Variants in FOXP2 observed in about 807,000 individuals in gnomAD.
FOXP2 encodes the protein forkhead box P2, also known as forkhead box protein P2.
Under a neutral mutation model 115.8 loss-of-function variants are expected in FOXP2, and 12 were observed. The ratio of observed to expected loss-of-function variants is 0.10; its 90% CI spans 0.07 to 0.17. FOXP2 has a LOEUF of 0.17. Among genes scored for constraint, FOXP2 ranks in the 10% least tolerant of loss-of-function variants. The pLI is 1.00. For synonymous variants in FOXP2, 328 were observed against 297.7 expected (o/e 1.10, Z -1.05); for missense variants, 629 against 843.5 (o/e 0.75, Z 3.15).
intron 2 of FOXP2, among the ~76,000 whole-genome samples, chr7:114,365,048 A>G (rs1214213540): frequency 6.6e-6 from 1 of 152,214 alleles, no homozygotes; most frequent in African/African-American, 2.4e-5. Flanking sequence ...TCATCTAATC[A>G]TGCTGTATCA....
chr7:114,176,298 T>TTCTCTCTCTC lies in FOXP2; in HGVS notation c.-102+13224_-102+13233dup, dbSNP rs1554426487. On this transcript the variant is annotated intron_variant, in intron 1 of 17. Transcript: ENST00000634411. ...TTTCTTTCTTTCTTTCTTTCTTTCTTTCTCTCTCTCTCTCTCTCTCTCTTT... is the reference window on the plus strand; with the variant it reads ...TTTCTTTCTTTCTTTCTTTCTTTCTTTCTCTCTCTCTCTCTCTCTCTCTCTCTCTCTCTTT... Among the ~76,000 whole-genome samples, 64 of 76,548 alleles carry TTCTCTCTCTC rather than the reference T, an allele frequency of 8.4e-4. 1 individual carries two copies. The highest frequency in any genetic ancestry group is 2.5e-3 in the African/African-American group (47 of 18,490). 50.2% of individuals were successfully genotyped at this position (76,548 alleles called of 152,430 possible). A position where few individuals can be genotyped will look rare whatever the true frequency, so the allele number is the denominator to read the frequency against.
chr7:114,478,088 A>G (rs564572565), intron 2 of FOXP2, among the ~76,000 whole-genome samples: 28 of 152,032 alleles, frequency 1.8e-4, no homozygotes, highest in African/African-American at 6.0e-4. Context: ...AAGAAAATGT[A>G]GTAGAGTGTT....
In FOXP2 at chr7:114,518,210, A is replaced by G. The variant is rs527959632; in HGVS notation, c.169-16407A>G. Among the ~76,000 whole-genome samples the G allele has an allele frequency of 2.6e-4, 39 of 152,322 alleles. 1 individual carries two copies. The highest frequency in any genetic ancestry group is 9.1e-4 in the African/African-American group (38 of 41,584). On this transcript the variant is annotated intron_variant, in intron 2 of 16. Coordinates refer to ENST00000350908, the MANE Select transcript of FOXP2 (RefSeq NM_014491.4). ...TACCAATGTATATATAAAATACAAAACAAATTAAAGTAATATATTTCAAAA... is the reference window on the plus strand; with the variant it reads ...TACCAATGTATATATAAAATACAAAGCAAATTAAAGTAATATATTTCAAAA...
At chr7:114,526,991 A>ATTTTTTTTTTTTTT (rs200748852) in intron 2 of FOXP2, among the ~76,000 whole-genome samples, 10 of 128,846 alleles carry the variant, frequency 7.8e-5, no homozygotes, top group Non-Finnish European at 1.3e-4. Context: ...CCACTAATCT[A>ATTTTTTTTTTTTTT]TTTTTTTTTT....
intron 2 of FOXP2, among the ~76,000 whole-genome samples, chr7:114,368,699 GC>G (rs1791937714): frequency 6.6e-6 from 1 of 152,274 alleles, no homozygotes; most frequent in South Asian, 2.1e-4. Context: ...CAACAGTGTT[GC>G]ATGCTGCTAA....
intron 3 of FOXP2, among the ~76,000 whole-genome samples, chr7:114,620,667 A>G (rs1257707714): frequency 1.3e-5 from 2 of 152,096 alleles, no homozygotes; most frequent in African/African-American, 2.4e-5. Context: ...AGTCTAGCCA[A>G]CATAATTTAC....
intron 2 of FOXP2, among the ~76,000 whole-genome samples, chr7:114,492,982 T>C (rs191123989): frequency 2.2e-4 from 33 of 152,084 alleles, no homozygotes; most frequent in Non-Finnish European, 3.7e-4. Flanking sequence ...ACTTTCTGTC[T>C]TGATCTGTCT....
chr7:114,122,767 C>A (rs1791600992), intron 1 of FOXP2, among the ~76,000 whole-genome samples: 1 of 151,874 alleles, frequency 6.6e-6, no homozygotes. Flanking sequence ...AGATCTAAGA[C>A]CTTTTGTATG....
In FOXP2 at chr7:114,691,806, T is replaced by C. The variant is rs1419835324; in HGVS notation, c.*1880T>C. The stretch of plus-strand genomic sequence containing the variant: ...ACTAAGCTCATCATTGATTCTTTGC[T>C]GAAGTCAGCAAATAGAGTTAGAGAG... On this transcript the variant is annotated 3_prime_UTR_variant, in exon 17 of 17. Coordinates refer to ENST00000350908, the MANE Select transcript of FOXP2 (RefSeq NM_014491.4). 2.2e-6 allele frequency: 1 copy of C among 453,294 alleles called. No homozygotes were observed. The highest frequency in any genetic ancestry group is 4.4e-6 in the Non-Finnish European group (1 of 226,446). 28.1% of individuals were successfully genotyped at this position (453,294 alleles called of 1,614,324 possible). A position where few individuals can be genotyped will look rare whatever the true frequency, so the allele number is the denominator to read the frequency against.
intron 13 of FOXP2, among the ~76,000 whole-genome samples, chr7:114,660,013 T>C (rs1157611017): frequency 2.6e-5 from 4 of 152,206 alleles, no homozygotes; most frequent in Non-Finnish European, 1.5e-5. Context: ...GTTTGAAAAA[T>C]GTCTGTTTGG....
chr7:114,637,847 G>T (rs1308452015), intron 6 of FOXP2, among the ~76,000 whole-genome samples: 1 of 152,054 alleles, frequency 6.6e-6, no homozygotes, highest in Non-Finnish European at 1.5e-5. Flanking sequence ...CTAGAGCAAG[G>T]CCTTTTCTTT....
At chr7:114,488,136 G>A (rs1796876814) in intron 2 of FOXP2, among the ~76,000 whole-genome samples, 1 of 152,162 alleles carries the variant, frequency 6.6e-6, no homozygotes, top group African/African-American at 2.4e-5. Flanking sequence ...GGGGAGGCAA[G>A]ACATGTCTGA....
At chr7:114,509,995 T>C (rs1797996870) in intron 2 of FOXP2, among the ~76,000 whole-genome samples, 1 of 151,834 alleles carries the variant, frequency 6.6e-6, no homozygotes, top group African/African-American at 2.4e-5. Flanking sequence ...AGCTGAGAAA[T>C]AGCAGCCAGT....
chr7:114,641,602 T>C (rs572396773), intron 6 of FOXP2, among the ~76,000 whole-genome samples: 1 of 152,146 alleles, frequency 6.6e-6, no homozygotes, highest in Admixed American at 6.5e-5. Context: ...TTTTTTTGAG[T>C]TGAGTGTTCA....
rs955282966 is a variant in FOXP2, at chr7:114,181,593, C to A, written c.-102+18505C>A. 3.9e-5 allele frequency among the ~76,000 whole-genome samples: 6 copies of A among 151,926 alleles called. No individual in the cohort carries two copies. The South Asian group carries it at 1.2e-3, about 32-fold the overall frequency. On this transcript the variant is annotated intron_variant, in intron 1 of 17. Coordinates refer to the FOXP2 transcript ENST00000634411. ...CCAGGTACATTTTGCAGAAGATGCACCTGAAACAGAAAAGTTAAGTAGCTG... is the reference window on the plus strand; with the variant it reads ...CCAGGTACATTTTGCAGAAGATGCAACTGAAACAGAAAAGTTAAGTAGCTG...
At chr7:114,253,915 T>C (rs1423265752) in intron 1 of FOXP2, among the ~76,000 whole-genome samples, 1 of 152,242 alleles carries the variant, frequency 6.6e-6, no homozygotes, top group African/African-American at 2.4e-5. Context: ...TGGCATGTTT[T>C]TGCAGTGGCT....
At chr7:114,256,204 G>C (rs1795607820) in intron 1 of FOXP2, among the ~76,000 whole-genome samples, 1 of 152,132 alleles carries the variant, frequency 6.6e-6, no homozygotes, top group Non-Finnish European at 1.5e-5. Context: ...CCAGGTTCAA[G>C]TGATTCTCCT....
intron 2 of FOXP2, among the ~76,000 whole-genome samples, chr7:114,500,162 G>A (rs767803423): frequency 6.8e-6 from 1 of 147,212 alleles, no homozygotes; most frequent in Non-Finnish European, 1.5e-5. Context: ...CTTGCAGTGA[G>A]CCGAGATCAC....
intron 2 of FOXP2, among the ~76,000 whole-genome samples, chr7:114,345,661 A>G (rs1319122695): frequency 1.3e-5 from 2 of 151,706 alleles, no homozygotes; most frequent in Non-Finnish European, 2.9e-5. Context: ...GATTCTGTTT[A>G]GGGCTTAGGG....
Sources: gnomAD v4.1 joint callset for allele counts (sites outside exome capture counted in the v4.1 genomes callset) on GRCh38, gnomAD v4.1.1 for gene constraint, MANE v1.5 for transcripts, NCBI Gene and HGNC (gene_info 2026-07-23, HGNC 2026-07-21) for gene names.